The following EYS variants were observed in gnomAD, a reference collection of about 807,000 sequenced individuals.
The protein encoded by EYS is EGF-like photoreceptor maintenance factor.
EYS carries 250 observed loss-of-function variants against 282.1 expected under a neutral mutation model. The observed-to-expected ratio is 0.89, with a 90% CI of 0.80 to 0.98. The LOEUF (loss-of-function observed/expected upper bound fraction) is 0.98. EYS is among the 50% of genes least tolerant of loss of function. The pLI, the probability that EYS is intolerant of heterozygous loss-of-function variation, is 0.00. For missense variants in EYS, 4,016 were observed against 3,709.0 expected (o/e 1.08, Z -2.15); for synonymous variants, 1,355 against 1,282.9 (o/e 1.06, Z -1.20).
intron 26 of EYS, among the ~76,000 whole-genome samples, chr6:64,468,942 T>C (rs1287837407): frequency 6.6e-6 from 1 of 152,214 alleles, no homozygotes; most frequent in Non-Finnish European, 1.5e-5. Context: ...TTTGCTATTG[T>C]GACTAGTGCT....
chr6:63,850,341 T>C (rs1581892240), intron 36 of EYS, among the ~76,000 whole-genome samples: 1 of 151,860 alleles, frequency 6.6e-6, no homozygotes, highest in African/African-American at 2.4e-5. Context: ...AATAAGATAG[T>C]CATTGAGAAG....
At chr6:65,171,449 A>G (rs1380059872) in intron 12 of EYS, among the ~76,000 whole-genome samples, 1 of 151,580 alleles carries the variant, frequency 6.6e-6, no homozygotes, top group Non-Finnish European at 1.5e-5. Flanking sequence ...TTTATGTCAC[A>G]AAGTCCAGTA....
chr6:64,603,946 A>T (rs962455563), intron 24 of EYS, among the ~76,000 whole-genome samples: 14 of 151,160 alleles, frequency 9.3e-5, no homozygotes, highest in Non-Finnish European at 4.4e-5. Flanking sequence ...CCAAGCTCTC[A>T]AGAATATATA....
intron 22 of EYS, among the ~76,000 whole-genome samples, chr6:64,761,390 GC>G (rs1479168291): frequency 2.0e-5 from 3 of 152,122 alleles, no homozygotes; most frequent in Non-Finnish European, 4.4e-5. Context: ...GTCCTCACAA[GC>G]TTTTTGTGAA....
intron 5 of EYS, among the ~76,000 whole-genome samples, chr6:65,418,387 A>C (rs1295756971): frequency 2.0e-5 from 3 of 152,068 alleles, no homozygotes; most frequent in Non-Finnish European, 2.9e-5. Flanking sequence ...CTGTAAAAGC[A>C]TTCCTATTAT....
intron 16 of EYS, 41 bp from the exon 17 acceptor site, chr6:64,902,541 TTA>T: frequency 8.3e-7 from 1 of 1,205,720 alleles, no homozygotes; most frequent in Non-Finnish European, 1.1e-6. Flanking sequence ...GCAATCCTTG[TTA>T]TAGAGTAAAA....
intron 12 of EYS, among the ~76,000 whole-genome samples, chr6:65,143,736 G>A (rs1229776631): frequency 2.6e-5 from 4 of 151,890 alleles, no homozygotes; most frequent in African/African-American, 9.7e-5. Flanking sequence ...TGCATCCTAT[G>A]GATTCATCTA....
chr6:65,281,879 A>C (rs1260904332), intron 12 of EYS, among the ~76,000 whole-genome samples: 3 of 152,068 alleles, frequency 2.0e-5, no homozygotes, highest in East Asian at 1.9e-4. Context: ...AATTTTATTT[A>C]GTATTTGGGT....
intron 19 of EYS, among the ~76,000 whole-genome samples, chr6:64,840,012 G>C (rs1765514153): frequency 6.6e-6 from 1 of 152,054 alleles, no homozygotes; most frequent in Non-Finnish European, 1.5e-5. Context: ...ATACATGTAA[G>C]ATCATTCTAA....
At chr6:64,447,523 A>C (rs1029019811) in intron 26 of EYS, among the ~76,000 whole-genome samples, 3 of 152,124 alleles carry the variant, frequency 2.0e-5, no homozygotes. Flanking sequence ...TAAGTTATGA[A>C]ATATATTTGT....
At chr6:64,646,870 A>G (rs1768373751) in intron 22 of EYS, among the ~76,000 whole-genome samples, 1 of 152,098 alleles carries the variant, frequency 6.6e-6, no homozygotes, top group Non-Finnish European at 1.5e-5. Context: ...CATGAGCATA[A>G]TAATACTATT....
At chr6:64,032,145 TCC>T (rs980349926) in intron 33 of EYS, among the ~76,000 whole-genome samples, 8 of 151,720 alleles carry the variant, frequency 5.3e-5, no homozygotes, top group Admixed American at 5.2e-4. Flanking sequence ...ACTGCAAAGG[TCC>T]GCAGCTTCAC....
chr6:64,348,980 T>A (rs1771517506), intron 29 of EYS, among the ~76,000 whole-genome samples: 1 of 151,412 alleles, frequency 6.6e-6, no homozygotes. Context: ...TGAATATTAT[T>A]ATGGATCATC....
chr6:65,306,957 G>A (rs71534837), intron 11 of EYS, among the ~76,000 whole-genome samples: 26,161 of 122,274 alleles, frequency 0.21, 445 homozygotes, highest in Middle Eastern at 0.26. Flanking sequence ...CTTTTTAAGC[G>A]TATTTTTAAG....
rs547797458 is a variant in EYS at position 64,784,247 on chromosome 6, C to T, written c.3443+29131G>A. Among the ~76,000 whole-genome samples, 4 of 151,374 alleles carry T rather than the reference C, an allele frequency of 2.6e-5. No individual in the cohort carries two copies. In the South Asian group the frequency reaches 8.3e-4, roughly 32 times the overall value. On this transcript the variant is annotated intron_variant, in intron 22 of 42. Transcript: ENST00000503581. ...CATTGTTTATTTTTTAAATTTCCTT[C>T]CTTCTACTATCTTTAAAATAATTGT...
intron 2 of EYS, among the ~76,000 whole-genome samples, chr6:65,542,399 T>C (rs942745935): frequency 2.6e-5 from 4 of 152,080 alleles, no homozygotes; most frequent in African/African-American, 9.7e-5. Flanking sequence ...TTAAAATACC[T>C]AATATTCTTT....
intron 31 of EYS, among the ~76,000 whole-genome samples, chr6:64,210,113 C>T (rs922878907): frequency 1.3e-5 from 2 of 152,116 alleles, no homozygotes; most frequent in East Asian, 3.8e-4. Context: ...ATTAATGCTG[C>T]TCTGATTTAT....
At chr6:64,021,640 A>G (rs1769196760) in intron 33 of EYS, among the ~76,000 whole-genome samples, 1 of 152,148 alleles carries the variant, frequency 6.6e-6, no homozygotes, top group Non-Finnish European at 1.5e-5. Flanking sequence ...AAAGATTATC[A>G]TATGTTGTAA....
chr6:64,470,868 G>T (rs1776103826), intron 26 of EYS, among the ~76,000 whole-genome samples: 1 of 152,140 alleles, frequency 6.6e-6, no homozygotes, highest in African/African-American at 2.4e-5. Context: ...TGAATTTTGA[G>T]AATTTTAGAA....
Sources: allele counts gnomAD v4.1 joint callset (sites outside exome capture counted in the v4.1 genomes callset), GRCh38; gene constraint gnomAD v4.1.1; transcripts MANE v1.5; gene names NCBI Gene and HGNC (gene_info 2026-07-23, HGNC 2026-07-21).